The following ZNF282 variants were observed in gnomAD, a reference collection of about 807,000 sequenced individuals.
ZNF282 encodes HTLV-I U5 repressive element-binding protein 1.
In ZNF282, 30 loss-of-function variants were observed where a neutral mutation model predicts 61.9. That is an observed-to-expected ratio of 0.48 (90% CI 0.36 to 0.66). The LOEUF (loss-of-function observed/expected upper bound fraction) is 0.66. ZNF282 is among the 30% of genes least tolerant of loss of function. The probability of loss-of-function intolerance (pLI) is 0.00; values close to 1 mark genes in which losing one functional copy is unlikely to be tolerated. For missense variants in ZNF282, 788 were observed against 941.4 expected (o/e 0.84, Z 2.13); for synonymous variants, 396 against 405.0 (o/e 0.98, Z 0.27).
At chr7:149,211,623 A>G (rs990345689) in intron 5 of ZNF282, among the ~76,000 whole-genome samples, 1 of 152,182 alleles carries the variant, frequency 6.6e-6, no homozygotes, top group African/African-American at 2.4e-5. Flanking sequence ...CATAAAATCA[A>G]CAATCATGAG....
chr7:149,214,759 G>T (rs1297083774), intron 7 of ZNF282, among the ~76,000 whole-genome samples: 1 of 152,128 alleles, frequency 6.6e-6, no homozygotes, highest in East Asian at 1.9e-4. Context: ...CTTGAGCCTG[G>T]GAGGTCATGG....
intron 7 of ZNF282, among the ~76,000 whole-genome samples, chr7:149,215,183 A>G (rs1585571593): frequency 1.4e-5 from 2 of 144,752 alleles, no homozygotes; most frequent in Non-Finnish European, 3.0e-5. Context: ...TTCCCTGTCC[A>G]TATTTCCTGA....
chr7:149,209,047 G>A (rs1355679441), intron 4 of ZNF282, among the ~76,000 whole-genome samples: 6 of 143,922 alleles, frequency 4.2e-5, no homozygotes, highest in South Asian at 2.2e-4. Context: ...GGCCGGGCGC[G>A]GTGGCTCACG....
At position 149,223,946 on chromosome 7, in the gene ZNF282, C is replaced by T; in HGVS notation, c.1315C>T (p.Pro439Ser). The T allele has an allele frequency of 7.6e-7, 1 of 1,311,248 alleles. No homozygotes were observed. The highest frequency in any genetic ancestry group is 9.7e-7 in the Non-Finnish European group (1 of 1,033,078). 81.2% of individuals were successfully genotyped at this position (1,311,248 alleles called of 1,614,324 possible). A position where few individuals can be genotyped will look rare whatever the true frequency, so the allele number is the denominator to read the frequency against. ...SLPPIAVAEN[P>S]GGPPSRGLLD... ...GCCCCCCATCGCGGTGGCCGAGAAC[C>T]CGGGCGGCCCCCCGAGCCGAGGGCT... The change falls in exon 8 of 8, where the codon CCG (proline) becomes TCG (serine). Residue 439 changes from proline to serine, a missense_variant. Around this residue, in one of 3 missense-constraint regions of ZNF282, gnomAD observed 559 missense variants for 642.0 expected, o/e 0.87. Coordinates refer to ENST00000610704, the MANE Select transcript of ZNF282 (RefSeq NM_003575.4).
intron 4 of ZNF282, among the ~76,000 whole-genome samples, chr7:149,209,560 GT>G (rs894194091): frequency 6.6e-6 from 1 of 152,160 alleles, no homozygotes; most frequent in Non-Finnish European, 1.5e-5. Context: ...AATCTCAACA[GT>G]TTCAGTTGGT....
rs1796355447 is a variant in ZNF282 at position 149,225,547 on chromosome 7, C to G, written c.*900C>G. ...GGTGCAGCAGCATCTTGTCACTGCACAACAGTGGCCTGGTCCCCCACAGGC... is the reference window on the plus strand; with the variant it reads ...GGTGCAGCAGCATCTTGTCACTGCAGAACAGTGGCCTGGTCCCCCACAGGC... On this transcript the variant is annotated 3_prime_UTR_variant, in exon 8 of 8. Coordinates refer to ENST00000610704, the MANE Select transcript of ZNF282 (RefSeq NM_003575.4). The G allele has an allele frequency of 6.5e-6, 1 of 152,674 alleles. No homozygotes were observed. Among genetic ancestry groups the G allele is most frequent in the East Asian group, 1.9e-4 (1 of 5,204 alleles). The allele number at this position is 152,674 out of a possible 1,614,324, so 9.5% of individuals were successfully genotyped here.
intron 7 of ZNF282, 72 bp from the exon 8 acceptor site, chr7:149,223,740 C>T (rs1383471072): frequency 2.2e-6 from 3 of 1,376,780 alleles, no homozygotes; most frequent in Admixed American, 3.1e-5. Flanking sequence ...CTCCCTGGGC[C>T]CCCCTTCGGG....
At chr7:149,210,778 C>T (rs1202422) in intron 5 of ZNF282, 74 bp downstream of exon 5, 183,087 of 1,457,244 alleles carry the variant, frequency 0.13, 12,353 homozygotes, top group Middle Eastern at 0.15. Context: ...CTGCCAGCCC[C>T]CAGAGTTAGC....
chr7:149,198,267 C>G lies in ZNF282; in HGVS notation c.166-66C>G. ...GCATCTGATTAGTTGACCCCTGTTCCCAGCTGACTTCCCCGGCTCACACAA... is the reference window on the plus strand; with the variant it reads ...GCATCTGATTAGTTGACCCCTGTTCGCAGCTGACTTCCCCGGCTCACACAA... On this transcript the variant is annotated intron_variant, in intron 1 of 7. Coordinates refer to ENST00000610704, the MANE Select transcript of ZNF282 (RefSeq NM_003575.4). The surrounding 1 kb of genome is among the most constrained non-coding windows in gnomAD (Gnocchi z 4.3). 7 of 1,525,798 alleles carry G rather than the reference C, an allele frequency of 4.6e-6. No individual in the cohort carries two copies. The South Asian group carries it at 9.1e-5, about 20-fold the overall frequency. 94.5% of individuals were successfully genotyped at this position (1,525,798 alleles called of 1,614,324 possible).
chr7:149,203,399 G>A (rs1795945674), intron 2 of ZNF282, among the ~76,000 whole-genome samples: 1 of 152,200 alleles, frequency 6.6e-6, no homozygotes, highest in Non-Finnish European at 1.5e-5. Context: ...CCAGGCTGGA[G>A]TACAGTTATA....
rs1796336951 is a variant in ZNF282, at chr7:149,224,707, C to T, written c.*60C>T. 1 of 1,443,158 alleles carries T rather than the reference C, an allele frequency of 6.9e-7. No homozygotes were observed. Among genetic ancestry groups the T allele is most frequent in the South Asian group, 1.4e-5 (1 of 69,216 alleles). 89.4% of individuals were successfully genotyped at this position (1,443,158 alleles called of 1,614,324 possible). A position where few individuals can be genotyped will look rare whatever the true frequency, so the allele number is the denominator to read the frequency against. On this transcript the variant is annotated 3_prime_UTR_variant, in exon 8 of 8. Transcript: ENST00000610704. ...GGATCGGGGGCGGCCTGAGCACCAACCACCTTGCCGGGTGTCCTCAGCCAC... is the reference window on the plus strand; with the variant it reads ...GGATCGGGGGCGGCCTGAGCACCAATCACCTTGCCGGGTGTCCTCAGCCAC...
intron 4 of ZNF282, 122 bp downstream of exon 4, chr7:149,207,592 C>A: frequency 7.0e-7 from 1 of 1,419,754 alleles, no homozygotes; most frequent in Non-Finnish European, 9.4e-7. Context: ...TCTTGGGTGG[C>A]TCCCAGGGGC....
Position 149,207,434 on chromosome 7 carries a change from C to T in ZNF282, c.796C>T (p.Pro266Ser), listed in dbSNP as rs1246882563. Residue 266 changes from proline to serine, a missense_variant, in exon 4 of 8, where the codon CCC becomes TCC. Transcript: ENST00000610704. ...ACCTTGTGTGTGGGAGCAGCGCCAC[C>T]CCGAAGAGAGAGAAATCCCAATGGA... ...EEPCVWEQRH[P>S]EEREIPMDPE... The T allele has an allele frequency of 1.9e-6, 3 of 1,565,098 alleles. No homozygotes were observed. The highest frequency in any genetic ancestry group is 1.9e-5 in the Admixed American group (1 of 52,676).
rs1554471493 is a variant in ZNF282 at position 149,220,927 on chromosome 7, T to TTG, written c.1181-2884_1181-2883insGT. The stretch of plus-strand genomic sequence containing the variant: ...GGAGGCCCCTGGAGGGTTTTTTTTT[T>TTG]TTTTTTTTTTGAGATAAGGTTTCAC... On this transcript the variant is annotated intron_variant, in intron 7 of 7. Transcript: ENST00000610704. Among the ~76,000 whole-genome samples, 70 of 107,642 alleles carry TTG rather than the reference T, an allele frequency of 6.5e-4. 1 individual carries two copies. Among genetic ancestry groups the TTG allele is most frequent in the Admixed American group, 2.5e-3 (23 of 9,288 alleles). The allele number at this position is 107,642 out of a possible 152,430, so 70.6% of individuals were successfully genotyped here. A position where few individuals can be genotyped will look rare whatever the true frequency, so the allele number is the denominator to read the frequency against.
Position 149,224,323 on chromosome 7 carries a change from C to G in ZNF282, c.1692C>G (p.His564Gln). ...ACTGCCACTCGGGCCTCATCCGCCA[C>G]CAGATGACGCACCGCGGCGAGCGGC... ...SFNCHSGLIR[H>Q]QMTHRGERPY... is the part of the protein sequence containing the mutation. The change falls in exon 8 of 8, where the codon CAC (histidine) becomes CAG (glutamine). Residue 564 changes from histidine to glutamine, a missense_variant. His to Gln is a conservative substitution (Grantham distance 24). Around this residue, in one of 3 missense-constraint regions of ZNF282, gnomAD observed 559 missense variants for 642.0 expected, o/e 0.87. Coordinates refer to ENST00000610704, the MANE Select transcript of ZNF282 (RefSeq NM_003575.4). The G allele has an allele frequency of 6.2e-7, 1 of 1,613,758 alleles. No homozygotes were observed. Among genetic ancestry groups the G allele is most frequent in the South Asian group, 1.1e-5 (1 of 91,080 alleles).
At chr7:149,213,660 A>G (rs756359858) in intron 6 of ZNF282, 41 bp from the exon 7 acceptor site, 1 of 1,517,294 alleles carries the variant, frequency 6.6e-7, no homozygotes, top group Non-Finnish European at 9.1e-7. Context: ...GCCGAGTAGA[A>G]CTGAACAAAA....
rs76880561 is a variant in ZNF282, at chr7:149,224,298, A to G, written c.1667A>G (p.Asn556Ser). The G allele has an allele frequency of 5.6e-6, 9 of 1,612,440 alleles. No homozygotes were observed. Among genetic ancestry groups the G allele is most frequent in the South Asian group, 1.1e-5 (1 of 91,042 alleles). Reference protein sequence around the residue: ...YECAECEKSFNCHSGLIRHQM... With the variant: ...YECAECEKSFSCHSGLIRHQM... ...TGCGCTGAGTGCGAGAAGAGCTTCA[A>G]CTGCCACTCGGGCCTCATCCGCCAC... The change falls in exon 8 of 8, where the codon AAC (asparagine) becomes AGC (serine). Residue 556 changes from asparagine (N) to serine (S), a missense_variant. Coordinates refer to ENST00000610704, the MANE Select transcript of ZNF282 (RefSeq NM_003575.4).
chr7:149,224,095 G>A lies in ZNF282; in HGVS notation c.1464G>A (p.Ala488=). ...GCGGTGGGGGCGGCGGCGCGGAGGCGGGGACGGGGGCAGGCGGCGGCTGTG... is the reference window on the plus strand; with the variant it reads ...GCGGTGGGGGCGGCGGCGCGGAGGCAGGGACGGGGGCAGGCGGCGGCTGTG... ...DGGGGGGGAE[A]GTGAGGGCGS... The change falls in exon 8 of 8, where the codon GCG becomes GCA. Residue 488 remains alanine, a synonymous_variant. Transcript: ENST00000610704. 1 of 1,354,682 alleles carries A rather than the reference G, an allele frequency of 7.4e-7. No individual in the cohort carries two copies. Among genetic ancestry groups the A allele is most frequent in the Non-Finnish European group, 9.5e-7 (1 of 1,057,634 alleles). The allele number at this position is 1,354,682 out of a possible 1,614,324, so 83.9% of individuals were successfully genotyped here.
intron 7 of ZNF282, among the ~76,000 whole-genome samples, chr7:149,221,767 C>A (rs1204226430): frequency 6.6e-6 from 1 of 152,020 alleles, no homozygotes; most frequent in East Asian, 1.9e-4. Context: ...GAGGGCAGGC[C>A]CAGTCTATTT....
Sources: gnomAD v4.1 joint callset for allele counts (sites outside exome capture counted in the v4.1 genomes callset) on GRCh38, gnomAD v4.1.1 for gene constraint, gnomAD v4.1.1 regional missense constraint, Gnocchi (gnomAD v3.1) non-coding constraint, MANE v1.5 for transcripts, NCBI Gene and HGNC (gene_info 2026-07-23, HGNC 2026-07-21) for gene names.